Variants in FILIP1L observed in about 807,000 individuals in gnomAD.
FILIP1L encodes filamin A-interacting protein 1-like.
FILIP1L carries 55 observed loss-of-function variants against 96.6 expected under a neutral mutation model. The ratio of observed to expected loss-of-function variants is 0.57; its 90% confidence interval spans 0.46 to 0.71. The LOEUF is 0.71. FILIP1L is among the 30% of genes least tolerant of loss of function. The pLI, the probability that FILIP1L is intolerant of heterozygous loss-of-function variation, is 0.00. For missense variants in FILIP1L, 1,304 were observed against 1,321.2 expected, an observed-to-expected ratio of 0.99 and a Z score of 0.20; for synonymous variants, 467 against 473.9, an observed-to-expected ratio of 0.99 and a Z score of 0.19.
rs536032685 is a variant in FILIP1L, at chr3:99,943,127, C to T, written c.-10-12097G>A. ...GGGGCAAAGCCTGTTTCTTTAAAGG[C>T]GAACTTAATTTCTGATAACAAGAAC... On this transcript the variant is annotated intron_variant, in intron 1 of 5. Transcript: ENST00000477258. Among the ~76,000 whole-genome samples the T allele has an allele frequency of 3.3e-5, 5 of 152,174 alleles. No individual in the cohort carries two copies. The East Asian group carries it at 9.7e-4, about 29-fold the overall frequency.
At chr3:100,025,042 A>G (rs1481186393) in intron 1 of FILIP1L, among the ~76,000 whole-genome samples, 1 of 152,200 alleles carries the variant, frequency 6.6e-6, no homozygotes, top group African/African-American at 2.4e-5. Context: ...TTGTGTTACT[A>G]ATTAACACGC....
chr3:99,931,004 C>A lies in FILIP1L; in HGVS notation c.17G>T (p.Ser6Ile). The A allele has an allele frequency of 1.2e-6, 2 of 1,613,766 alleles. No homozygotes were observed. Among genetic ancestry groups the A allele is most frequent in the Non-Finnish European group, 1.7e-6 (2 of 1,179,924 alleles). The change falls in exon 2 of 6, where the codon AGT becomes ATT. Residue 6 changes from serine (S) to isoleucine (I), a missense_variant. By Grantham distance (142) the Ser-to-Ile change is moderately radical (BLOSUM62 -2). Coordinates refer to ENST00000477258, the MANE Select transcript of FILIP1L (RefSeq NM_001387850.1). MRSRG[S>I]DTEGSAQKKF... is the part of the protein sequence containing the mutation. ...CTTTTGGGCTGAGCCCTCGGTATCA[C>A]TGCCTCTGGAACGCATTCTTTAAAG...
At chr3:99,845,308 CTG>C (rs1220178391) in intron 5 of FILIP1L, among the ~76,000 whole-genome samples, 1 of 152,144 alleles carries the variant, frequency 6.6e-6, no homozygotes, top group Non-Finnish European at 1.5e-5. Flanking sequence ...TCATTCGAAT[CTG>C]TGATAGGATT....
At chr3:99,916,437 T>TACACACACACACACACACAC (rs10529210) in intron 4 of FILIP1L, among the ~76,000 whole-genome samples, 4 of 137,068 alleles carry the variant, frequency 2.9e-5, no homozygotes, top group African/African-American at 1.1e-4. Flanking sequence ...TAACGGTTTA[T>TACACACACACACACACACAC]ACACACACAC....
At chr3:99,956,566 C>T (rs1398965157) in intron 1 of FILIP1L, among the ~76,000 whole-genome samples, 2 of 152,146 alleles carry the variant, frequency 1.3e-5, no homozygotes, top group Non-Finnish European at 2.9e-5. Context: ...AGGCTAGTCT[C>T]GAATTCCTGA....
intron 1 of FILIP1L, among the ~76,000 whole-genome samples, chr3:100,078,805 C>A (rs995985776): frequency 6.6e-6 from 1 of 152,100 alleles, no homozygotes; most frequent in Non-Finnish European, 1.5e-5. Context: ...GCCGGAAAAT[C>A]CCTTGAACCT....
intron 4 of FILIP1L, among the ~76,000 whole-genome samples, chr3:99,918,831 C>A (rs1421966133): frequency 6.6e-6 from 1 of 152,060 alleles, no homozygotes; most frequent in Non-Finnish European, 1.5e-5. Context: ...AGTGGATCTC[C>A]ATTTTGTTCT....
chr3:99,883,520 G>A (rs899275019), intron 4 of FILIP1L, among the ~76,000 whole-genome samples: 7 of 152,118 alleles, frequency 4.6e-5, no homozygotes, highest in African/African-American at 1.7e-4. Flanking sequence ...GAATGTGTGT[G>A]TTGGCTGGGG....
chr3:99,924,394 C>G lies in FILIP1L; in HGVS notation c.441G>C (p.Val147=). The G allele has an allele frequency of 6.2e-7, 1 of 1,614,036 alleles. No individual in the cohort carries two copies. Residue 147 remains valine (V), a synonymous_variant, in exon 4 of 6, where the codon GTG becomes GTC. Transcript: ENST00000477258. The part of the protein sequence containing the change: ...EKPMNELDKV[V]EKHKESYRRI... ...GTCTGTAAGATTCTTTATGTTTTTC[C>G]ACAACTTTGTCCAACTACGAAAGAA...
intron 1 of FILIP1L, among the ~76,000 whole-genome samples, chr3:99,974,080 A>G (rs1708899034): frequency 1.3e-5 from 2 of 152,216 alleles, no homozygotes; most frequent in South Asian, 4.1e-4. Context: ...TCAGAGGCAG[A>G]CTGGGGAACT....
At chr3:100,067,265 A>G (rs915648306) in intron 1 of FILIP1L, among the ~76,000 whole-genome samples, 27 of 152,194 alleles carry the variant, frequency 1.8e-4, no homozygotes, top group Admixed American at 1.3e-4. Flanking sequence ...CTGAATTACC[A>G]TGACCTTTTC....
intron 4 of FILIP1L, among the ~76,000 whole-genome samples, chr3:99,880,350 G>A (rs534197448): frequency 6.6e-6 from 1 of 152,218 alleles, no homozygotes; most frequent in Non-Finnish European, 1.5e-5. Flanking sequence ...CCTTTAACCA[G>A]CAGACCTTAA....
At chr3:99,870,973 C>T (rs994324195) in intron 4 of FILIP1L, among the ~76,000 whole-genome samples, 3 of 152,140 alleles carry the variant, frequency 2.0e-5, no homozygotes, top group African/African-American at 4.8e-5. Flanking sequence ...TCCATGCCCC[C>T]GGGTGACTCA....
intron 4 of FILIP1L, among the ~76,000 whole-genome samples, chr3:99,876,882 GAAATT>G (rs1438798971): frequency 6.6e-6 from 1 of 152,098 alleles, no homozygotes; most frequent in Non-Finnish European, 1.5e-5. Flanking sequence ...AATTTTTAAA[GAAATT>G]AAATGTTTTG....
At chr3:100,067,958 T>A (rs923365427) in intron 1 of FILIP1L, among the ~76,000 whole-genome samples, 1 of 152,170 alleles carries the variant, frequency 6.6e-6, no homozygotes, top group South Asian at 2.1e-4. Context: ...CTTGTGTTAG[T>A]CTGTGTCCCA....
At chr3:100,108,025 C>T (rs1253176428) in intron 1 of FILIP1L, among the ~76,000 whole-genome samples, 1 of 152,030 alleles carries the variant, frequency 6.6e-6, no homozygotes, top group African/African-American at 2.4e-5. Context: ...ATGCCAAAAC[C>T]ATGAAATGAG....
Position 99,974,548 on chromosome 3 carries a change from A to C in FILIP1L, c.-10-43518T>G, listed in dbSNP as rs577149451. On this transcript the variant is annotated intron_variant, in intron 1 of 5. Transcript: ENST00000477258. ...AACATGGAGAAACCCCGTCTCTACT[A>C]AAAATACAAAATTAGCCGGGTGGTG... Among the ~76,000 whole-genome samples the C allele has an allele frequency of 2.1e-3, 326 of 152,270 alleles. 1 individual carries two copies. The highest frequency in any genetic ancestry group is 7.4e-3 in the African/African-American group (307 of 41,542).
chr3:99,989,905 A>G (rs1028235856), intron 1 of FILIP1L, among the ~76,000 whole-genome samples: 1 of 152,128 alleles, frequency 6.6e-6, no homozygotes, highest in Non-Finnish European at 1.5e-5. Flanking sequence ...AAACTGGAGT[A>G]GTTATTTCCT....
chr3:100,091,631 TTCCCACATAA>T (rs1419900060), intron 1 of FILIP1L, among the ~76,000 whole-genome samples: 7 of 152,228 alleles, frequency 4.6e-5, no homozygotes, highest in Non-Finnish European at 1.0e-4. Flanking sequence ...GCTTCTCAAT[TTCCCACATAA>T]TCTTTTTATC....
Sources: allele counts gnomAD v4.1 joint callset (sites outside exome capture counted in the v4.1 genomes callset), GRCh38; gene constraint gnomAD v4.1.1; transcripts MANE v1.5; gene names NCBI Gene and HGNC (gene_info 2026-07-23, HGNC 2026-07-21).